The following TRAPPC9 variants were observed in gnomAD, a reference collection of about 807,000 sequenced individuals.
TRAPPC9 encodes the protein trafficking protein particle complex subunit 9.
TRAPPC9 carries 83 observed loss-of-function variants against 124.0 expected under a neutral mutation model. The observed-to-expected ratio is 0.67, with a 90% CI of 0.56 to 0.80. The LOEUF is 0.80. TRAPPC9 is among the 30% of genes least tolerant of loss of function. The probability of loss-of-function intolerance (pLI) is 0.00; values close to 1 mark genes in which losing one functional copy is unlikely to be tolerated. For synonymous variants in TRAPPC9, 638 were observed against 617.5 expected, an observed-to-expected ratio of 1.03 and a Z score of -0.49; for missense variants, 1,302 against 1,508.3, an observed-to-expected ratio of 0.86 and a Z score of 2.27.
rs146537689 is a variant in TRAPPC9, at chr8:140,059,917, C to T, written c.2557-35838G>A. 3.0e-3 allele frequency among the ~76,000 whole-genome samples: 456 copies of T among 152,322 alleles called. 3 individuals are homozygous for T. Among genetic ancestry groups the T allele is most frequent in the African/African-American group, 0.011 (438 of 41,558 alleles). Reference sequence around the variant, plus strand: ...TTTAAATTCTTAAGCATAATTCTAACAATCAACTCAAAGTCTGTGTACGCT... The same window carrying T: ...TTTAAATTCTTAAGCATAATTCTAATAATCAACTCAAAGTCTGTGTACGCT... On this transcript the variant is annotated intron_variant, in intron 17 of 22. Transcript: ENST00000438773.
chr8:139,985,923 A>G (rs565544809), intron 19 of TRAPPC9, among the ~76,000 whole-genome samples: 39 of 152,310 alleles, frequency 2.6e-4, no homozygotes, highest in African/African-American at 9.4e-4. Flanking sequence ...AAGGACATAT[A>G]TGATATGGAA....
At chr8:140,438,151 T>C (rs1043776329) in intron 3 of TRAPPC9, among the ~76,000 whole-genome samples, 11 of 152,176 alleles carry the variant, frequency 7.2e-5, no homozygotes, top group African/African-American at 2.7e-4. Flanking sequence ...GCCCGTTAAC[T>C]GTCACTTCCC....
At chr8:139,823,872 A>ACCTTGG (rs1825438535) in intron 21 of TRAPPC9, among the ~76,000 whole-genome samples, 1 of 152,210 alleles carries the variant, frequency 6.6e-6, no homozygotes, top group Non-Finnish European at 1.5e-5. Context: ...GTTCAAGCCC[A>ACCTTGG]CACCTGCTCC....
chr8:140,334,097 C>T (rs747527284), intron 9 of TRAPPC9, among the ~76,000 whole-genome samples: 33 of 152,252 alleles, frequency 2.2e-4, no homozygotes, highest in Non-Finnish European at 3.7e-4. Context: ...CCTTCTACTT[C>T]TCCACCACAA....
intron 17 of TRAPPC9, among the ~76,000 whole-genome samples, chr8:140,084,641 A>T (rs1844070302): frequency 1.3e-5 from 2 of 152,224 alleles, no homozygotes; most frequent in South Asian, 4.1e-4. Context: ...AAGGCTGCTG[A>T]CTGACAGGCA....
At chr8:139,767,688 G>A (rs986995502) in intron 21 of TRAPPC9, among the ~76,000 whole-genome samples, 3 of 152,208 alleles carry the variant, frequency 2.0e-5, no homozygotes, top group Admixed American at 1.3e-4. Flanking sequence ...GAAATAACAA[G>A]CAGGACAAGC....
intron 5 of TRAPPC9, among the ~76,000 whole-genome samples, chr8:140,417,923 C>A (rs10103885): frequency 0.48 from 72,723 of 151,944 alleles, 17,986 homozygotes; most frequent in Middle Eastern, 0.64. Flanking sequence ...GACATGGATG[C>A]AGCTAGAAAC....
intron 17 of TRAPPC9, among the ~76,000 whole-genome samples, chr8:140,042,115 T>A (rs1841309765): frequency 1.3e-5 from 2 of 152,184 alleles, no homozygotes; most frequent in Admixed American, 1.3e-4. Context: ...TGACAATGGT[T>A]ATTTAGGAAA....
At chr8:140,423,778 A>G (rs888934675) in intron 5 of TRAPPC9, among the ~76,000 whole-genome samples, 3 of 152,128 alleles carry the variant, frequency 2.0e-5, no homozygotes, top group Non-Finnish European at 4.4e-5. Context: ...AGAATGGAAT[A>G]TTATTCTGCA....
At chr8:140,239,619 C>T (rs1419973467) in intron 16 of TRAPPC9, among the ~76,000 whole-genome samples, 3 of 152,288 alleles carry the variant, frequency 2.0e-5, no homozygotes, top group South Asian at 4.1e-4. Context: ...GGAGGGGATG[C>T]GTGGGAGGCG....
intron 8 of TRAPPC9, among the ~76,000 whole-genome samples, chr8:140,368,697 G>A (rs745369149): frequency 5.3e-5 from 8 of 151,910 alleles, no homozygotes; most frequent in Non-Finnish European, 8.8e-5. Context: ...AAAGTGCTGC[G>A]TACACTCCAT....
At chr8:139,938,347 C>T (rs556730489) in intron 19 of TRAPPC9, among the ~76,000 whole-genome samples, 65 of 152,190 alleles carry the variant, frequency 4.3e-4, no homozygotes, top group African/African-American at 1.4e-3. Flanking sequence ...TGCAGTGGCG[C>T]GATCTCAGCT....
chr8:140,092,499 A>G (rs1563754141), intron 17 of TRAPPC9, among the ~76,000 whole-genome samples: 1 of 152,190 alleles, frequency 6.6e-6, no homozygotes, highest in Non-Finnish European at 1.5e-5. Context: ...GCGCGGCCAC[A>G]GTGCATAGAG....
chr8:139,842,221 T>G (rs1223290950), intron 21 of TRAPPC9, among the ~76,000 whole-genome samples: 1 of 152,232 alleles, frequency 6.6e-6, no homozygotes, highest in Non-Finnish European at 1.5e-5. Context: ...AGAGTTAATT[T>G]CACTGCCTCT....
intron 9 of TRAPPC9, among the ~76,000 whole-genome samples, chr8:140,314,722 C>T (rs927813566): frequency 6.6e-6 from 1 of 152,226 alleles, no homozygotes; most frequent in Non-Finnish European, 1.5e-5. Flanking sequence ...GCTTTTTTCA[C>T]TTAACATATG....
At chr8:140,031,944 G>C (rs1296536576) in intron 17 of TRAPPC9, among the ~76,000 whole-genome samples, 1 of 152,186 alleles carries the variant, frequency 6.6e-6, no homozygotes, top group African/African-American at 2.4e-5. Context: ...ATACTAAGGA[G>C]AGCATCAAGT....
At chr8:140,309,375 C>A (rs914342435) in intron 10 of TRAPPC9, among the ~76,000 whole-genome samples, 1 of 152,242 alleles carries the variant, frequency 6.6e-6, no homozygotes, top group Non-Finnish European at 1.5e-5. Flanking sequence ...TCTACCACGG[C>A]CACACACAAG....
chr8:140,239,982 G>T (rs1447114309), intron 16 of TRAPPC9, among the ~76,000 whole-genome samples: 1 of 152,174 alleles, frequency 6.6e-6, no homozygotes, highest in East Asian at 1.9e-4. Context: ...AGTACAATAA[G>T]GGGGGAAGGG....
chr8:140,120,677 ACATCCATCCATC>A (rs559075849), intron 17 of TRAPPC9, among the ~76,000 whole-genome samples: 1 of 140,746 alleles, frequency 7.1e-6, no homozygotes, highest in African/African-American at 2.7e-5. Flanking sequence ...CATCCATCCA[ACATCCATCCATC>A]CATCCATCCA....
Sources: gnomAD v4.1 joint callset for allele counts (sites outside exome capture counted in the v4.1 genomes callset) on GRCh38, gnomAD v4.1.1 for gene constraint, MANE v1.5 for transcripts, NCBI Gene and HGNC (gene_info 2026-07-23, HGNC 2026-07-21) for gene names.